The following NEK5 variants were observed in gnomAD, a reference collection of about 807,000 sequenced individuals.
The protein encoded by NEK5 is NIMA related kinase 5, also known as serine/threonine-protein kinase Nek5.
A neutral mutation model predicts 109.2 loss-of-function variants in NEK5; 88 were observed. That is an observed-to-expected ratio of 0.81 (90% CI 0.68 to 0.96). The LOEUF (loss-of-function observed/expected upper bound fraction) is 0.96. Among genes scored for constraint, NEK5 ranks in the 40% least tolerant of loss-of-function variants. NEK5 has a pLI of 0.00. For synonymous variants in NEK5, 283 were observed against 299.9 expected (o/e 0.94, Z 0.58); for missense variants, 834 against 920.7 (o/e 0.91, Z 1.22).
At chr13:52,045,931 C>G (rs1188374143) in intron 23 of NEK5, among the ~76,000 whole-genome samples, 1 of 151,130 alleles carries the variant, frequency 6.6e-6, no homozygotes. Flanking sequence ...ATTAGCCAGC[C>G]ACGGTGGTGT....
chr13:52,042,601 T>A (rs1246439664), intron 23 of NEK5, among the ~76,000 whole-genome samples: 1 of 151,736 alleles, frequency 6.6e-6, no homozygotes, highest in Non-Finnish European at 1.5e-5. Context: ...AAATTTTTAA[T>A]AATAAAAAAG....
intron 4 of NEK5, 84 bp from the exon 5 acceptor site, chr13:52,112,449 G>T (rs1439295457): frequency 2.3e-6 from 2 of 883,428 alleles, no homozygotes; most frequent in Non-Finnish European, 3.7e-6. Context: ...AGATGGACTG[G>T]GTTCTAATTC....
At position 52,037,157 on chromosome 13, in the gene NEK5, C is replaced by G. The variant is rs927645144; in HGVS notation, c.2290G>C (p.Ala764Pro). ...GTTTTTTCTTCCCCTTTGAAAGTAG[C>G]GAGTTTTTCTAAGTATTCTACTACT... is the stretch of plus-strand genomic sequence containing the variant. ...DEVVEYLEKLATFKGEEKTEE... is the reference protein window; with the variant it reads ...DEVVEYLEKLPTFKGEEKTEE... Residue 764 changes from alanine (A) to proline (P), a missense_variant, in exon 24 of 24, where the codon GCT becomes CCT. Physicochemically the swap from Ala to Pro is conservative, Grantham distance 27 (BLOSUM62 -1). This residue lies in a region of NEK5 where 57 missense variants were observed against 96.0 expected (regional missense o/e 0.59). Transcript: ENST00000684899. The G allele has an allele frequency of 3.0e-6, 3 of 985,062 alleles. No homozygotes were observed. Among genetic ancestry groups the G allele is most frequent in the Non-Finnish European group, 3.6e-6 (3 of 829,700 alleles). The allele number at this position is 985,062 out of a possible 1,614,324, so 61.0% of individuals were successfully genotyped here.
At chr13:52,048,985 T>C (rs1475010054) in intron 23 of NEK5, among the ~76,000 whole-genome samples, 3 of 152,214 alleles carry the variant, frequency 2.0e-5, no homozygotes, top group African/African-American at 7.2e-5. Context: ...TTTTAAGTGC[T>C]CTCACCATAA....
chr13:52,085,111 T>G (rs1426176325), intron 16 of NEK5, among the ~76,000 whole-genome samples: 2 of 152,068 alleles, frequency 1.3e-5, no homozygotes, highest in African/African-American at 4.8e-5. Context: ...TTGTCAAGGG[T>G]GGGGCCAGGT....
intron 16 of NEK5, among the ~76,000 whole-genome samples, chr13:52,085,651 A>G (rs528896825): frequency 5.3e-5 from 8 of 152,282 alleles, no homozygotes; most frequent in Admixed American, 1.3e-4. Context: ...CTAGTGTTTC[A>G]ATAGCCATGT....
intron 8 of NEK5, among the ~76,000 whole-genome samples, chr13:52,106,639 T>C (rs1018534436): frequency 6.6e-6 from 1 of 151,766 alleles, no homozygotes; most frequent in Non-Finnish European, 1.5e-5. Flanking sequence ...TGGTGGGGCG[T>C]GCTTGCAGTC....
At chr13:52,073,201 T>C (rs1454631666) in intron 19 of NEK5, among the ~76,000 whole-genome samples, 2 of 152,260 alleles carry the variant, frequency 1.3e-5, no homozygotes, top group East Asian at 3.9e-4. Context: ...AGCTCTTTTA[T>C]TTAAAGAAAA....
chr13:52,048,948 G>T (rs745542946), intron 23 of NEK5, among the ~76,000 whole-genome samples: 1 of 152,062 alleles, frequency 6.6e-6, no homozygotes, highest in Non-Finnish European at 1.5e-5. Context: ...ACAATTTATT[G>T]TATACTTGAA....
At chr13:52,080,990 A>AG (rs1262681223) in intron 17 of NEK5, among the ~76,000 whole-genome samples, 1 of 146,516 alleles carries the variant, frequency 6.8e-6, no homozygotes, top group African/African-American at 2.5e-5. Flanking sequence ...ATGTCATTTA[A>AG]AAAAAAAAAA....
chr13:52,099,766 C>G lies in NEK5; in HGVS notation c.1003G>C (p.Ala335Pro). ...ACAGATCTGGCCTTCTGGGCTCCAG[C>G]TGGTGGTCTCCATTCATTTCTATGC... is the stretch of plus-strand genomic sequence containing the variant. The part of the protein sequence containing the change: ...ILHRNEWRPP[A>P]GAQKARSIKM... Residue 335 changes from alanine (A) to proline (P), a missense_variant, in exon 12 of 24, where the codon GCT (alanine) becomes CCT (proline). Physicochemically the swap from Ala to Pro is conservative, Grantham distance 27 (BLOSUM62 -1). Coordinates refer to ENST00000684899, the MANE Select transcript of NEK5 (RefSeq NM_001365552.1). 1 of 1,613,828 alleles carries G rather than the reference C, an allele frequency of 6.2e-7. No homozygotes were observed. Among genetic ancestry groups the G allele is most frequent in the Non-Finnish European group, 8.5e-7 (1 of 1,179,852 alleles).
rs566464572 is a variant in NEK5 at position 52,062,408 on chromosome 13, C to T, written c.1976-455G>A. The stretch of plus-strand genomic sequence containing the variant: ...TCCAGAGGTTGGAGGCTGCTATGGC[C>T]CTCTTCTTTTTTTTCTTTCTTTCTT... On this transcript the variant is annotated intron_variant, in intron 21 of 23. Coordinates refer to ENST00000684899, the MANE Select transcript of NEK5 (RefSeq NM_001365552.1). 9.9e-5 allele frequency among the ~76,000 whole-genome samples: 15 copies of T among 151,856 alleles called. No homozygotes were observed. The South Asian group carries it at 2.9e-3, about 30-fold the overall frequency.
chr13:52,083,179 G>T, intron 17 of NEK5, 81 bp downstream of exon 17: 1 of 931,530 alleles, frequency 1.1e-6, no homozygotes. Flanking sequence ...ACGTGGTTCT[G>T]CTGCACAGAG....
chr13:52,059,013 G>A (rs1566735977), intron 22 of NEK5, among the ~76,000 whole-genome samples: 1 of 123,238 alleles, frequency 8.1e-6, no homozygotes, highest in Non-Finnish European at 1.7e-5. Context: ...AGAGTGAACA[G>A]GCAACCTACA....
intron 13 of NEK5, among the ~76,000 whole-genome samples, chr13:52,091,280 T>C (rs112739839): frequency 0.014 from 2,167 of 152,270 alleles, 59 homozygotes; most frequent in African/African-American, 0.05. Context: ...TTCCCAGTGG[T>C]TGAGAAAAGA....
At chr13:52,093,790 A>C (rs1010224955) in intron 12 of NEK5, among the ~76,000 whole-genome samples, 2 of 152,222 alleles carry the variant, frequency 1.3e-5, no homozygotes, top group Admixed American at 6.5e-5. Context: ...CTTCATGGCT[A>C]GTATGTGAAA....
intron 14 of NEK5, 98 bp from the exon 15 acceptor site, chr13:52,087,552 C>T (rs1373397364): frequency 1.6e-6 from 1 of 623,568 alleles, no homozygotes; most frequent in Non-Finnish European, 2.8e-6. Context: ...AATTATATCA[C>T]TAAGCAAACT....
chr13:52,108,960 T>C, intron 7 of NEK5, among the ~76,000 whole-genome samples: 1 of 152,266 alleles, frequency 6.6e-6, no homozygotes, highest in East Asian at 1.9e-4. Context: ...TTCAGGTACA[T>C]GGCCATGGCC....
intron 22 of NEK5, 24 bp downstream of exon 22, chr13:52,061,795 T>A (rs1954616331): frequency 2.1e-6 from 2 of 973,518 alleles, no homozygotes; most frequent in Non-Finnish European, 2.4e-6. Flanking sequence ...GGACTGGTTA[T>A]GTTGTTAAAA....
Sources: allele counts gnomAD v4.1 joint callset (sites outside exome capture counted in the v4.1 genomes callset), GRCh38; gene constraint gnomAD v4.1.1; regional missense constraint gnomAD v4.1.1; transcripts MANE v1.5; gene names NCBI Gene and HGNC (gene_info 2026-07-23, HGNC 2026-07-21).